ZNF83: variants seen among roughly 807,000 people sequenced by gnomAD.
The protein encoded by ZNF83 is zinc finger protein 83.
For missense variants in ZNF83, 552 were observed against 629.9 expected, an observed-to-expected ratio of 0.88 and a Z score of 1.32; for synonymous variants, 209 against 213.0, an observed-to-expected ratio of 0.98 and a Z score of 0.17.
In ZNF83 at chr19:52,684,693, C is replaced by A. The variant is rs1047695686; in HGVS notation, c.-283+5750G>T. Reference sequence around the variant, plus strand: ...GGAGGGCATGGGAGACAGCTCTGAGCCTAGAACTGAAGGAGGAGAAAGGGA... The same window carrying A: ...GGAGGGCATGGGAGACAGCTCTGAGACTAGAACTGAAGGAGGAGAAAGGGA... On this transcript the variant is annotated intron_variant, in intron 1 of 5. Coordinates refer to the ZNF83 transcript ENST00000594682. Among the ~76,000 whole-genome samples, 15 of 152,060 alleles carry A rather than the reference C, an allele frequency of 9.9e-5. No individual in the cohort carries two copies. The East Asian group carries it at 2.9e-3, about 29-fold the overall frequency.
intron 2 of ZNF83, among the ~76,000 whole-genome samples, chr19:52,615,366 G>C (rs1022219817): frequency 6.6e-6 from 1 of 151,998 alleles, no homozygotes; most frequent in Admixed American, 6.6e-5. Context: ...AAGCTCTCAT[G>C]AACAGGATTA....
chr19:52,680,035 C>T (rs2061881652), intron 1 of ZNF83, among the ~76,000 whole-genome samples: 1 of 152,050 alleles, frequency 6.6e-6, no homozygotes, highest in South Asian at 2.1e-4. Context: ...CAAAATTAGC[C>T]AGGCGTAGTG....
intron 2 of ZNF83, chr19:52,660,723 AAAAG>A (rs1447310359): frequency 5.2e-6 from 1 of 192,618 alleles, no homozygotes; most frequent in Admixed American, 5.1e-5. Context: ...GGTATATCAG[AAAAG>A]AGAGAGAAGA....
chr19:52,673,778 G>A (rs563363009), intron 1 of ZNF83, among the ~76,000 whole-genome samples: 2 of 150,700 alleles, frequency 1.3e-5, no homozygotes, highest in African/African-American at 4.9e-5. Flanking sequence ...TCTTTGGGAG[G>A]CTGAGGTGGG....
chr19:52,655,935 G>A (rs917608405), intron 2 of ZNF83, among the ~76,000 whole-genome samples: 2 of 151,950 alleles, frequency 1.3e-5, no homozygotes, highest in Non-Finnish European at 2.9e-5. Context: ...ATATGTCTGG[G>A]CACGGTGGCT....
chr19:52,673,102 A>G (rs185514841), intron 1 of ZNF83, among the ~76,000 whole-genome samples: 18 of 152,298 alleles, frequency 1.2e-4, no homozygotes, highest in African/African-American at 4.1e-4. Flanking sequence ...CCAGCTACTC[A>G]GGAGACTGAG....
At chr19:52,633,216 G>A (rs1247996312) in intron 2 of ZNF83, among the ~76,000 whole-genome samples, 1 of 127,668 alleles carries the variant, frequency 7.8e-6, no homozygotes. Context: ...CCCCACCCCT[G>A]CCCACCAGAG....
At chr19:52,668,121 A>G (rs1314800780) in intron 1 of ZNF83, among the ~76,000 whole-genome samples, 2 of 152,188 alleles carry the variant, frequency 1.3e-5, no homozygotes, top group African/African-American at 4.8e-5. Context: ...AGAGTCTCTC[A>G]GCACAGGCGC....
At chr19:52,651,669 GA>G (rs1159701773) in intron 3 of ZNF83, 1 of 111,174 alleles carries the variant, frequency 9.0e-6, no homozygotes, top group Non-Finnish European at 1.7e-5. Context: ...GGCGACAAGA[GA>G]AAGACTCTGT....
intron 1 of ZNF83, among the ~76,000 whole-genome samples, chr19:52,676,026 T>C (rs2061796630): frequency 6.6e-6 from 1 of 152,122 alleles, no homozygotes; most frequent in Non-Finnish European, 1.5e-5. Context: ...CTGTCTCTAC[T>C]AACAATACAG....
chr19:52,672,432 C>T (rs2061738992), intron 1 of ZNF83, among the ~76,000 whole-genome samples: 1 of 152,002 alleles, frequency 6.6e-6, no homozygotes. Context: ...ATTAGCATAT[C>T]TAGAATATTA....
upstream of ZNF83, chr19:52,690,494 T>A (rs116083410): frequency 1.2e-4 from 23 of 186,242 alleles, no homozygotes; most frequent in Non-Finnish European, 2.4e-4. Context: ...TTTGCGAGAA[T>A]CTGCGCGCGC....
intron 3 of ZNF83, chr19:52,650,628 T>C (rs1402405595): frequency 6.6e-6 from 1 of 152,166 alleles, no homozygotes; most frequent in Non-Finnish European, 1.5e-5. Context: ...CTAATATAAA[T>C]TGTTTATTAG....
chr19:52,674,766 CAT>C (rs957955594), intron 1 of ZNF83, among the ~76,000 whole-genome samples: 1 of 152,146 alleles, frequency 6.6e-6, no homozygotes, highest in African/African-American at 2.4e-5. Context: ...TGATTAAAAA[CAT>C]AGAGATACAA....
chr19:52,665,512 T>A (rs1337514466), intron 1 of ZNF83, among the ~76,000 whole-genome samples: 1 of 152,254 alleles, frequency 6.6e-6, no homozygotes, highest in East Asian at 1.9e-4. Flanking sequence ...TTGTTAGATA[T>A]GAGTTCTAAA....
intron 2 of ZNF83, among the ~76,000 whole-genome samples, chr19:52,618,248 C>T (rs950567471): frequency 2.6e-5 from 4 of 151,572 alleles, no homozygotes; most frequent in Non-Finnish European, 4.4e-5. Context: ...TGTGCCATCA[C>T]GCCTGGATAA....
intron 2 of ZNF83, among the ~76,000 whole-genome samples, chr19:52,630,300 A>G (rs1276440937): frequency 6.6e-6 from 1 of 151,980 alleles, no homozygotes; most frequent in African/African-American, 2.4e-5. Flanking sequence ...AGATGCTCTA[A>G]GTAACTCTCA....
intron 2 of ZNF83, among the ~76,000 whole-genome samples, 181 bp downstream of exon 2, chr19:52,634,885 T>G (rs754355962): frequency 6.6e-6 from 1 of 152,042 alleles, no homozygotes; most frequent in Non-Finnish European, 1.5e-5. Context: ...CAAGTTCATG[T>G]GATTGGGTCA....
intron 1 of ZNF83, among the ~76,000 whole-genome samples, chr19:52,664,873 G>A (rs748255625): frequency 3.3e-5 from 5 of 151,976 alleles, no homozygotes; most frequent in African/African-American, 4.8e-5. Context: ...TTTTGAAGGC[G>A]AAACCCACCA....
Sources: allele counts gnomAD v4.1 joint callset (sites outside exome capture counted in the v4.1 genomes callset), GRCh38; gene constraint gnomAD v4.1.1; transcripts MANE v1.5; gene names NCBI Gene and HGNC (gene_info 2026-07-23, HGNC 2026-07-21).